TBCD: variants seen among roughly 807,000 people sequenced by gnomAD.
TBCD encodes tubulin-specific chaperone D.
Under a neutral mutation model 169.3 loss-of-function variants are expected in TBCD, and 105 were observed. That is an observed-to-expected ratio of 0.62 (90% confidence interval 0.53 to 0.73). The LOEUF (loss-of-function observed/expected upper bound fraction) is 0.73, where lower values mean the gene tolerates loss of function less well. TBCD is among the 30% of genes least tolerant of loss of function. TBCD has a pLI of 0.00. For missense variants in TBCD, 1,444 were observed against 1,600.1 expected (o/e 0.90, Z 1.66); for synonymous variants, 700 against 643.9 (o/e 1.09, Z -1.32).
At chr17:82,899,307 C>T (rs1216351940) in intron 17 of TBCD, among the ~76,000 whole-genome samples, 1 of 149,596 alleles carries the variant, frequency 6.7e-6, no homozygotes, top group Non-Finnish European at 1.5e-5. Context: ...GTCCTCCGCT[C>T]ACGTGTCCTC....
chr17:82,881,013 A>C (rs1050919977), intron 14 of TBCD, among the ~76,000 whole-genome samples: 1 of 152,188 alleles, frequency 6.6e-6, no homozygotes, highest in Non-Finnish European at 1.5e-5. Context: ...CAGGGAGGCC[A>C]GTGCTTTTGG....
At chr17:82,819,628 A>G (rs1023967339) in intron 13 of TBCD, among the ~76,000 whole-genome samples, 1 of 152,202 alleles carries the variant, frequency 6.6e-6, no homozygotes, top group South Asian at 2.1e-4. Flanking sequence ...GGCTGCAGTG[A>G]GCCATGATCG....
chr17:82,910,019 G>A (rs1278570025), intron 22 of TBCD, among the ~76,000 whole-genome samples: 2 of 152,240 alleles, frequency 1.3e-5, no homozygotes, highest in Non-Finnish European at 2.9e-5. Context: ...TGTGTGTTCC[G>A]TGGTGTGCAT....
rs1414404054 is a variant in TBCD, at chr17:82,927,902, C to G, written c.2610-3C>G. On this transcript the variant is annotated splice_region_variant and splice_polypyrimidine_tract_variant and intron_variant, in intron 29 of 38. Transcript: ENST00000355528. ...GTGTCTCTGCCTCTCCTTGTCCCAT[C>G]AGGGTCCGCAAGGCCGCCATGACCA... The G allele has an allele frequency of 6.2e-7, 1 of 1,613,294 alleles. No individual in the cohort carries two copies. Among genetic ancestry groups the G allele is most frequent in the African/African-American group, 1.3e-5 (1 of 74,924 alleles).
intron 13 of TBCD, among the ~76,000 whole-genome samples, chr17:82,843,752 A>G (rs2054755019): frequency 6.6e-6 from 1 of 152,204 alleles, no homozygotes; most frequent in Non-Finnish European, 1.5e-5. Context: ...TAAGGTTTAC[A>G]TTCAGTGAAG....
rs79380201 is a variant in TBCD at position 82,806,706 on chromosome 17, G to A, written c.1087+695G>A. ...GCTGCACTCTGCTCACATCCCCGCC[G>A]CTCCCTCCAGGGCAGGTTTCTCCCC... On this transcript the variant is annotated intron_variant, in intron 10 of 38. Coordinates refer to ENST00000355528, the MANE Select transcript of TBCD (RefSeq NM_005993.5). The surrounding 1 kb of genome is among the most constrained non-coding windows in gnomAD (Gnocchi z 5.1). Among the ~76,000 whole-genome samples, 1,128 of 152,044 alleles carry A rather than the reference G, an allele frequency of 7.4e-3. 8 individuals are homozygous for A. The highest frequency in any genetic ancestry group is 0.01 in the Non-Finnish European group (687 of 67,986).
chr17:82,844,206 CGTGTGTGTGTGT>C (rs769300875), intron 13 of TBCD, among the ~76,000 whole-genome samples: 1 of 127,410 alleles, frequency 7.8e-6, no homozygotes, highest in African/African-American at 3.2e-5. Flanking sequence ...GGATGTTCTC[CGTGTGTGTGTGT>C]GTGTGTGTGT....
intron 13 of TBCD, among the ~76,000 whole-genome samples, chr17:82,869,629 C>T (rs923877530): frequency 7.2e-5 from 11 of 152,236 alleles, no homozygotes; most frequent in African/African-American, 2.7e-4. Context: ...GATTTCTCTG[C>T]GTGGCTGTTT....
At chr17:82,901,034 C>T (rs1274159294) in intron 18 of TBCD, among the ~76,000 whole-genome samples, 3 of 152,214 alleles carry the variant, frequency 2.0e-5, no homozygotes, top group Admixed American at 2.0e-4. Context: ...AGCTTGGAGG[C>T]GGACTCTGCG....
At chr17:82,770,756 C>T (rs974601069) in intron 5 of TBCD, among the ~76,000 whole-genome samples, 2 of 152,082 alleles carry the variant, frequency 1.3e-5, no homozygotes, top group African/African-American at 4.8e-5. Flanking sequence ...TGGCTCACAC[C>T]TGTAATCCCA....
intron 12 of TBCD, among the ~76,000 whole-genome samples, chr17:82,813,427 C>T (rs147839233): frequency 8.5e-5 from 13 of 152,268 alleles, no homozygotes; most frequent in African/African-American, 3.1e-4. Flanking sequence ...CTTGGCTTCT[C>T]CCTGTGCCCC....
chr17:82,806,159 C>A lies in TBCD; in HGVS notation c.1087+148C>A. On this transcript the variant is annotated intron_variant, in intron 10 of 38. Transcript: ENST00000355528. The surrounding 1 kb of genome is among the most constrained non-coding windows in gnomAD (Gnocchi z 5.1). ...CGCTGAGTGCACGGTCACTGCCCGT[C>A]CTCTGGCTCCTGAACCCAGGCCTGT... 11 of 1,092,120 alleles carry A rather than the reference C, an allele frequency of 1.0e-5. No homozygotes were observed. The highest frequency in any genetic ancestry group is 5.7e-4 in the Middle Eastern group (2 of 3,532). 67.7% of individuals were successfully genotyped at this position (1,092,120 alleles called of 1,614,324 possible).
chr17:82,858,469 G>A (rs1336421123), intron 13 of TBCD: 1 of 577,144 alleles, frequency 1.7e-6, no homozygotes, highest in Non-Finnish European at 2.2e-6. Flanking sequence ...AAAATAAAAT[G>A]CAGGTTGGCC....
In TBCD at chr17:82,764,021, C is replaced by T. The variant is rs758732870; in HGVS notation, c.292C>T (p.Leu98Phe). 1.9e-6 allele frequency: 3 copies of T among 1,613,916 alleles called. No individual in the cohort carries two copies. Among genetic ancestry groups the T allele is most frequent in the Admixed American group, 1.7e-5 (1 of 60,018 alleles). The change falls in exon 3 of 39, where the codon CTT becomes TTT. Residue 98 changes from leucine to phenylalanine, a missense_variant. Physicochemically the swap from Leu to Phe is conservative, Grantham distance 22. Coordinates refer to ENST00000355528, the MANE Select transcript of TBCD (RefSeq NM_005993.5). ...GCAAGATCAGACATCTCCAGCTTCC[C>T]TTGTACATCTGGCTTTTAAATTTCT... ...IVQDQTSPASLVHLAFKFLYI... is the reference protein window; with the variant it reads ...IVQDQTSPASFVHLAFKFLYI...
chr17:82,877,268 T>G (rs997420082), intron 14 of TBCD, among the ~76,000 whole-genome samples: 3 of 152,260 alleles, frequency 2.0e-5, no homozygotes, highest in Admixed American at 1.3e-4. Context: ...GTTCATATGG[T>G]AAATATGACA....
intron 5 of TBCD, among the ~76,000 whole-genome samples, chr17:82,771,112 G>GA (rs200402294): frequency 0.015 from 2,250 of 150,464 alleles, 56 homozygotes; most frequent in African/African-American, 0.052. Context: ...ATCGTTATGG[G>GA]AAAAAACAAA....
At chr17:82,830,814 G>A (rs758908768) in intron 13 of TBCD, 2 of 1,613,412 alleles carry the variant, frequency 1.2e-6, no homozygotes, top group East Asian at 2.2e-5. Context: ...TGGAAGGCGC[G>A]GCCTCCGAGA....
At position 82,833,191 on chromosome 17, in the gene TBCD, T is replaced by G. The variant is rs1007261749; in HGVS notation, c.1318+18257T>G. Among the ~76,000 whole-genome samples the G allele has an allele frequency of 6.6e-6, 1 of 152,154 alleles. No individual in the cohort carries two copies. The highest frequency in any genetic ancestry group is 3.4e-3 in the Middle Eastern group (1 of 292). ...CACAGTCACAGAGTGCCCCTCACTT[T>G]TACACAGAGCGTGGGCTGGCCACCG... is the stretch of plus-strand genomic sequence containing the variant. On this transcript the variant is annotated intron_variant, in intron 13 of 38. Transcript: ENST00000355528. The surrounding 1 kb of genome is among the most constrained non-coding windows in gnomAD (Gnocchi z 4.7).
At chr17:82,779,970 C>T (rs960168167) in intron 6 of TBCD, among the ~76,000 whole-genome samples, 1 of 152,154 alleles carries the variant, frequency 6.6e-6, no homozygotes, top group Non-Finnish European at 1.5e-5. Flanking sequence ...TGGTGCCTCC[C>T]TCCTGGCATC....
Sources: allele counts gnomAD v4.1 joint callset (sites outside exome capture counted in the v4.1 genomes callset), GRCh38; gene constraint gnomAD v4.1.1; non-coding constraint Gnocchi (gnomAD v3.1); transcripts MANE v1.5; gene names NCBI Gene and HGNC (gene_info 2026-07-23, HGNC 2026-07-21).